ACOXL: variants seen among roughly 807,000 people sequenced by gnomAD.
ACOXL encodes the protein acyl-CoA oxidase like.
In ACOXL, 70 loss-of-function variants were observed where a neutral mutation model predicts 71.9. That is an observed-to-expected ratio of 0.97 (90% CI 0.80 to 1.19). ACOXL has a LOEUF of 1.19. Among genes scored for constraint, ACOXL ranks in the 50% most tolerant of loss-of-function variants. The pLI, the probability that ACOXL is intolerant of heterozygous loss-of-function variation, is 0.00. For missense variants in ACOXL, 703 were observed against 736.3 expected (o/e 0.95, Z 0.52); for synonymous variants, 253 against 281.6 (o/e 0.90, Z 1.02).
chr2:111,001,172 C>T (rs2063609178), intron 14 of ACOXL, among the ~76,000 whole-genome samples: 1 of 152,202 alleles, frequency 6.6e-6, no homozygotes, highest in Admixed American at 6.5e-5. Flanking sequence ...CATCCTCTGT[C>T]AGCCTTCTCA....
chr2:110,825,656 A>G (rs1689081119), intron 9 of ACOXL, among the ~76,000 whole-genome samples: 1 of 152,142 alleles, frequency 6.6e-6, no homozygotes, highest in Admixed American at 6.5e-5. Context: ...AATAGTACAT[A>G]GTAGTCCACT....
intron 1 of ACOXL, 140 bp from the exon 2 acceptor site, chr2:110,768,228 G>T (rs1681371648): frequency 6.4e-6 from 4 of 620,548 alleles, no homozygotes; most frequent in African/African-American, 1.8e-5. Flanking sequence ...CCCAGTCTGT[G>T]TGACACACAC....
intron 16 of ACOXL, among the ~76,000 whole-genome samples, chr2:111,077,537 G>C (rs575861774): frequency 6.6e-6 from 1 of 152,200 alleles, no homozygotes; most frequent in East Asian, 1.9e-4. Flanking sequence ...TTCCTGATTG[G>C]TATTTACCAT....
chr2:110,973,219 G>C (rs988903590), intron 12 of ACOXL, among the ~76,000 whole-genome samples: 1 of 152,238 alleles, frequency 6.6e-6, no homozygotes, highest in African/African-American at 2.4e-5. Flanking sequence ...CACTGACAGT[G>C]GGAGAGAAGC....
At chr2:110,990,420 C>G (rs1420125276) in intron 13 of ACOXL, among the ~76,000 whole-genome samples, 1 of 152,074 alleles carries the variant, frequency 6.6e-6, no homozygotes, top group Middle Eastern at 3.2e-3. Context: ...TCTGTAGATT[C>G]TTTGGAGTTT....
chr2:110,777,972 C>G (rs1682858811), intron 2 of ACOXL, among the ~76,000 whole-genome samples: 1 of 152,184 alleles, frequency 6.6e-6, no homozygotes, highest in Non-Finnish European at 1.5e-5. Flanking sequence ...GCATGTGAGC[C>G]GAGTTCAACT....
At chr2:111,040,329 C>T (rs1055473180) in intron 15 of ACOXL, among the ~76,000 whole-genome samples, 2 of 152,230 alleles carry the variant, frequency 1.3e-5, no homozygotes, top group Admixed American at 6.5e-5. Flanking sequence ...CATCTCTCAG[C>T]CTCCTACTGC....
intron 16 of ACOXL, among the ~76,000 whole-genome samples, chr2:111,057,574 G>A (rs2066608361): frequency 6.6e-6 from 1 of 152,188 alleles, no homozygotes; most frequent in African/African-American, 2.4e-5. Flanking sequence ...AGTAGAGAGG[G>A]AGAGGGGTGG....
At chr2:110,952,036 A>G (rs1033942291) in intron 12 of ACOXL, among the ~76,000 whole-genome samples, 7 of 152,250 alleles carry the variant, frequency 4.6e-5, no homozygotes, top group African/African-American at 1.7e-4. Context: ...TGTTCTCTGG[A>G]AGAGTTTGTA....
intron 10 of ACOXL, among the ~76,000 whole-genome samples, chr2:110,893,530 G>A (rs1276825303): frequency 6.6e-6 from 1 of 152,132 alleles, no homozygotes; most frequent in East Asian, 1.9e-4. Flanking sequence ...AATCTTTCTG[G>A]AGAGTGAGTT....
chr2:111,027,384 T>C (rs2065063680), intron 14 of ACOXL, among the ~76,000 whole-genome samples: 1 of 151,852 alleles, frequency 6.6e-6, no homozygotes, highest in African/African-American at 2.4e-5. Flanking sequence ...TGCAGTGCCA[T>C]GATCTCGGCT....
intron 15 of ACOXL, among the ~76,000 whole-genome samples, chr2:111,033,990 C>G (rs17041796): frequency 0.063 from 9,603 of 152,260 alleles, 415 homozygotes; most frequent in East Asian, 0.22. Context: ...AGAAACATGA[C>G]AGTTGAGCCT....
chr2:110,764,999 A>G (rs1034720469), intron 1 of ACOXL, among the ~76,000 whole-genome samples: 1 of 152,092 alleles, frequency 6.6e-6, no homozygotes, highest in South Asian at 2.1e-4. Flanking sequence ...TTTTGGCCTG[A>G]TAAGATTTTT....
At chr2:110,949,387 C>CTTTA (rs386390889) in intron 12 of ACOXL, among the ~76,000 whole-genome samples, 1 of 91,542 alleles carries the variant, frequency 1.1e-5, no homozygotes, top group Non-Finnish European at 2.4e-5. Flanking sequence ...GACCAACTCC[C>CTTTA]TTTCTATTTT....
chr2:110,936,158 C>T (rs947137115), intron 12 of ACOXL, among the ~76,000 whole-genome samples: 4 of 152,198 alleles, frequency 2.6e-5, no homozygotes, highest in East Asian at 1.9e-4. Context: ...TTTATTCTGA[C>T]GACTACCTGG....
At chr2:110,834,779 G>A (rs1372506144) in intron 9 of ACOXL, among the ~76,000 whole-genome samples, 1 of 152,216 alleles carries the variant, frequency 6.6e-6, no homozygotes, top group Non-Finnish European at 1.5e-5. Flanking sequence ...CAGCTTATGG[G>A]ACTCCATCCC....
intron 2 of ACOXL, among the ~76,000 whole-genome samples, chr2:110,775,136 A>C (rs1446034233): frequency 6.6e-6 from 1 of 152,244 alleles, no homozygotes; most frequent in African/African-American, 2.4e-5. Context: ...TGACGTTGGA[A>C]GCTTACCTTA....
intron 12 of ACOXL, among the ~76,000 whole-genome samples, chr2:110,943,080 GAA>G (rs1486869942): frequency 6.1e-5 from 7 of 114,582 alleles, no homozygotes; most frequent in African/African-American, 2.3e-4. Context: ...AGGAAGAAAA[GAA>G]GAGAGGGAGG....
chr2:111,098,191 T>C (rs886255896), intron 17 of ACOXL, among the ~76,000 whole-genome samples: 1 of 152,046 alleles, frequency 6.6e-6, no homozygotes, highest in Non-Finnish European at 1.5e-5. Flanking sequence ...CAAAACAAAA[T>C]GGAGGAACGG....
Sources: gnomAD v4.1 joint callset for allele counts (sites outside exome capture counted in the v4.1 genomes callset) on GRCh38, gnomAD v4.1.1 for gene constraint, MANE v1.5 for transcripts, NCBI Gene and HGNC (gene_info 2026-07-23, HGNC 2026-07-21) for gene names.